The following NAALADL2 variants were observed in gnomAD, a reference collection of about 807,000 sequenced individuals.
NAALADL2 encodes N-acetylated alpha-linked acidic dipeptidase like 2, also known as inactive N-acetylated-alpha-linked acidic dipeptidase-like protein 2.
In NAALADL2, 76 loss-of-function variants were observed where a neutral mutation model predicts 87.2. That is an observed-to-expected ratio of 0.87 (90% confidence interval 0.72 to 1.05). The LOEUF is 1.05. Among genes scored for constraint, NAALADL2 ranks in the 50% least tolerant of loss-of-function variants. NAALADL2 has a pLI of 0.00. For synonymous variants in NAALADL2, 354 were observed against 331.0 expected, an observed-to-expected ratio of 1.07 and a Z score of -0.75; for missense variants, 1,089 against 945.8, an observed-to-expected ratio of 1.15 and a Z score of -1.99.
chr3:175,774,633 A>G (rs966745724), intron 13 of NAALADL2, among the ~76,000 whole-genome samples: 24 of 152,000 alleles, frequency 1.6e-4, no homozygotes, highest in Non-Finnish European at 1.9e-4. Flanking sequence ...GTTAAAAAAT[A>G]CCCTGTGGTT....
chr3:175,599,573 T>A (rs1722679678), intron 10 of NAALADL2, among the ~76,000 whole-genome samples: 1 of 152,122 alleles, frequency 6.6e-6, no homozygotes, highest in Non-Finnish European at 1.5e-5. Flanking sequence ...AAGTTCTTTC[T>A]CCAACTCTAA....
chr3:175,069,603 G>A (rs1417649194), intron 1 of NAALADL2, among the ~76,000 whole-genome samples: 2 of 150,888 alleles, frequency 1.3e-5, no homozygotes, highest in Non-Finnish European at 3.0e-5. Flanking sequence ...AGTCAGTGTG[G>A]CGATTCCTCA....
chr3:174,725,211 G>A (rs1732071693), intron 2 of NAALADL2, among the ~76,000 whole-genome samples: 1 of 152,072 alleles, frequency 6.6e-6, no homozygotes, highest in Non-Finnish European at 1.5e-5. Flanking sequence ...TTAACCATGA[G>A]TAAAAAGATA....
Position 175,627,326 on chromosome 3 carries a change from A to G in NAALADL2, c.1836A>G (p.Thr612=), listed in dbSNP as rs746385343. The G allele has an allele frequency of 1.9e-6, 3 of 1,572,384 alleles. No homozygotes were observed. Among genetic ancestry groups the G allele is most frequent in the South Asian group, 1.2e-5 (1 of 85,952 alleles). ...PSFLSEARFS[T]RATKIEEMDP... ...TTCTCTCCGAGGCCCGTTTTTCTACACGAGCAACAAAAATTGAAGAAATGG... is the reference window on the plus strand; with the variant it reads ...TTCTCTCCGAGGCCCGTTTTTCTACGCGAGCAACAAAAATTGAAGAAATGG... The change falls in exon 11 of 14, where the codon ACA becomes ACG. Residue 612 remains threonine, a synonymous_variant. Coordinates refer to ENST00000454872, the MANE Select transcript of NAALADL2 (RefSeq NM_207015.3).
chr3:175,228,072 T>A (rs999232732), intron 2 of NAALADL2, among the ~76,000 whole-genome samples: 1 of 151,960 alleles, frequency 6.6e-6, no homozygotes, highest in African/African-American at 2.4e-5. Context: ...TTTGTTATCA[T>A]CTTTTAGTAT....
At chr3:175,608,758 A>G (rs991614134) in intron 10 of NAALADL2, among the ~76,000 whole-genome samples, 10 of 152,164 alleles carry the variant, frequency 6.6e-5, no homozygotes, top group Non-Finnish European at 1.0e-4. Context: ...TTCCATCACA[A>G]GCTTAGTGAA....
intron 2 of NAALADL2, among the ~76,000 whole-genome samples, chr3:174,597,433 A>C (rs1227015245): frequency 6.6e-6 from 1 of 152,148 alleles, no homozygotes; most frequent in South Asian, 2.1e-4. Flanking sequence ...TTTATCAGGG[A>C]ATGCTTGGAA....
At chr3:174,560,338 T>A (rs1185541895) in intron 2 of NAALADL2, among the ~76,000 whole-genome samples, 1 of 152,240 alleles carries the variant, frequency 6.6e-6, no homozygotes. Flanking sequence ...GGGCAAGTAC[T>A]TAATTCCCAT....
At chr3:174,904,207 G>A (rs971428635) in intron 1 of NAALADL2, among the ~76,000 whole-genome samples, 1 of 151,666 alleles carries the variant, frequency 6.6e-6, no homozygotes, top group Non-Finnish European at 1.5e-5. Context: ...TCATCTTAGT[G>A]TTGCCAAGAG....
chr3:175,379,621 C>T (rs991634764), intron 5 of NAALADL2, among the ~76,000 whole-genome samples: 4 of 151,698 alleles, frequency 2.6e-5, no homozygotes, highest in African/African-American at 9.7e-5. Context: ...GCAACGTCTG[C>T]CTCCTGGGTT....
chr3:175,360,485 T>G (rs1463684786), intron 5 of NAALADL2, among the ~76,000 whole-genome samples: 1 of 152,050 alleles, frequency 6.6e-6, no homozygotes, highest in Admixed American at 6.6e-5. Flanking sequence ...TCCTATGTAT[T>G]CCCCTTCATG....
At chr3:175,734,340 G>T (rs1389848753) in intron 11 of NAALADL2, among the ~76,000 whole-genome samples, 1 of 152,066 alleles carries the variant, frequency 6.6e-6, no homozygotes, top group Non-Finnish European at 1.5e-5. Context: ...GGATCATGAG[G>T]TCAGGAGATC....
chr3:175,646,267 C>T (rs1031286637), intron 11 of NAALADL2, among the ~76,000 whole-genome samples: 1 of 151,906 alleles, frequency 6.6e-6, no homozygotes, highest in African/African-American at 2.4e-5. Flanking sequence ...TGACATTTTA[C>T]TTTTAAATAT....
intron 6 of NAALADL2, among the ~76,000 whole-genome samples, chr3:175,451,173 A>G (rs2149235856): frequency 6.6e-6 from 1 of 152,234 alleles, no homozygotes; most frequent in East Asian, 1.9e-4. Flanking sequence ...GTTTCAGCCT[A>G]TTTATATTTG....
intron 4 of NAALADL2, among the ~76,000 whole-genome samples, chr3:175,267,565 A>C (rs1437078768): frequency 6.6e-6 from 1 of 152,136 alleles, no homozygotes; most frequent in Non-Finnish European, 1.5e-5. Flanking sequence ...TTAAAAAGAC[A>C]GTTTATATCA....
At chr3:174,609,180 A>G (rs906503283) in intron 2 of NAALADL2, among the ~76,000 whole-genome samples, 7 of 152,218 alleles carry the variant, frequency 4.6e-5, no homozygotes, top group Non-Finnish European at 7.3e-5. Flanking sequence ...AATAAGAGCT[A>G]TCTATGACAA....
intron 5 of NAALADL2, among the ~76,000 whole-genome samples, chr3:175,360,810 C>A (rs558984778): frequency 9.1e-6 from 1 of 109,848 alleles, no homozygotes; most frequent in African/African-American, 3.8e-5. Context: ...TAATATTCCA[C>A]TGTGTGTGTG....
chr3:175,094,757 A>AGT (rs369083345), intron 1 of NAALADL2, among the ~76,000 whole-genome samples: 9,468 of 125,910 alleles, frequency 0.075, 419 homozygotes, highest in East Asian at 0.22. Flanking sequence ...CAGACACTAT[A>AGT]GTGTGTGTGT....
intron 2 of NAALADL2, among the ~76,000 whole-genome samples, chr3:174,681,344 G>A (rs1043399757): frequency 2.0e-5 from 3 of 152,144 alleles, no homozygotes; most frequent in African/African-American, 7.2e-5. Context: ...ACATGACCTA[G>A]TGAGACGTCA....
Sources: allele counts gnomAD v4.1 joint callset (sites outside exome capture counted in the v4.1 genomes callset), GRCh38; gene constraint gnomAD v4.1.1; transcripts MANE v1.5; gene names NCBI Gene and HGNC (gene_info 2026-07-23, HGNC 2026-07-21).